The following SUPT3H variants were observed in gnomAD, a reference collection of about 807,000 sequenced individuals.
The protein encoded by SUPT3H is transcription initiation protein SPT3 homolog.
Under a neutral mutation model 44.3 loss-of-function variants are expected in SUPT3H, and 44 were observed. The ratio of observed to expected loss-of-function variants is 0.99; its 90% CI spans 0.78 to 1.28. The LOEUF is 1.28. Ranked by LOEUF, SUPT3H falls within the 50% of genes most tolerant of loss-of-function variation. SUPT3H has a pLI of 0.00. For synonymous variants in SUPT3H, 124 were observed against 125.6 expected (o/e 0.99, Z 0.09); for missense variants, 380 against 387.1 (o/e 0.98, Z 0.15).
At chr6:45,008,971 C>T (rs1339825623) in intron 5 of SUPT3H, among the ~76,000 whole-genome samples, 1 of 152,098 alleles carries the variant, frequency 6.6e-6, no homozygotes, top group Non-Finnish European at 1.5e-5. Flanking sequence ...GAACTCCTGA[C>T]CTCAAGTGAT....
At position 45,276,782 on chromosome 6, in the gene SUPT3H, C is replaced by G. The variant is rs115718708; in HGVS notation, c.101+88419G>C. ...TTAAGGCCATCCAAAATCAGCAGAGCTGCCTAGCTGACCATCATACACACA... is the reference window on the plus strand; with the variant it reads ...TTAAGGCCATCCAAAATCAGCAGAGGTGCCTAGCTGACCATCATACACACA... On this transcript the variant is annotated intron_variant, in intron 2 of 10. Coordinates refer to ENST00000371459, the MANE Select transcript of SUPT3H (RefSeq NM_003599.4). 3.3e-3 allele frequency among the ~76,000 whole-genome samples: 496 copies of G among 152,328 alleles called. 1 individual carries two copies. Among genetic ancestry groups the G allele is most frequent in the African/African-American group, 0.011 (470 of 41,582 alleles).
intron 3 of SUPT3H, among the ~76,000 whole-genome samples, chr6:45,023,899 C>T (rs530698090): frequency 1.5e-3 from 223 of 152,068 alleles, no homozygotes; most frequent in African/African-American, 5.1e-3. Flanking sequence ...ACCCCTGAAC[C>T]TAAAATAAAA....
chr6:45,376,807 C>T (rs1371379769), intron 1 of SUPT3H, among the ~76,000 whole-genome samples: 1 of 151,780 alleles, frequency 6.6e-6, no homozygotes, highest in Non-Finnish European at 1.5e-5. Flanking sequence ...CCAGAGTCTG[C>T]CCTTCACATA....
At chr6:45,237,032 T>C (rs1178199027) in intron 2 of SUPT3H, among the ~76,000 whole-genome samples, 2 of 152,086 alleles carry the variant, frequency 1.3e-5, no homozygotes, top group Non-Finnish European at 2.9e-5. Flanking sequence ...CTCTGGAAAG[T>C]AGAGCCAGGA....
In SUPT3H at chr6:44,846,189, C is replaced by T. The variant is rs567424429; in HGVS notation, c.913-16332G>A. 4.6e-5 allele frequency among the ~76,000 whole-genome samples: 7 copies of T among 152,324 alleles called. No individual in the cohort carries two copies. In the East Asian group the frequency reaches 1.3e-3, roughly 29 times the overall value. On this transcript the variant is annotated intron_variant, in intron 10 of 10. Transcript: ENST00000371459. ...GGAATTTTTCCCATTTCAGTACCAT[C>T]CCTGATCCTTTGTCCTTTTCATCAC...
chr6:45,281,681 C>A (rs1024695949), intron 2 of SUPT3H, among the ~76,000 whole-genome samples: 1 of 152,166 alleles, frequency 6.6e-6, no homozygotes, highest in South Asian at 2.1e-4. Context: ...CATAGCCAAA[C>A]AATAGGCAGC....
chr6:45,141,607 C>T (rs1289985176), intron 2 of SUPT3H, among the ~76,000 whole-genome samples: 1 of 151,360 alleles, frequency 6.6e-6, no homozygotes, highest in East Asian at 1.9e-4. Flanking sequence ...GAAGAAAGAA[C>T]TTCAGAGCAT....
At chr6:45,234,309 T>C (rs1287223817) in intron 2 of SUPT3H, among the ~76,000 whole-genome samples, 5 of 151,936 alleles carry the variant, frequency 3.3e-5, no homozygotes, top group Admixed American at 6.6e-5. Context: ...GGTGGGCAGA[T>C]TGTCTGAGGT....
intron 3 of SUPT3H, among the ~76,000 whole-genome samples, chr6:45,043,739 T>C (rs564198532): frequency 6.6e-6 from 1 of 152,272 alleles, no homozygotes; most frequent in African/African-American, 2.4e-5. Flanking sequence ...ATAAATATGA[T>C]CTGATTATAG....
At chr6:44,953,207 G>T (rs940636096) in intron 9 of SUPT3H, 103 bp downstream of exon 9, 10 of 848,488 alleles carry the variant, frequency 1.2e-5, no homozygotes, top group Non-Finnish European at 1.9e-5. Context: ...TTGACTGAAG[G>T]TTATACACTC....
chr6:45,376,114 C>T (rs1354025598), intron 1 of SUPT3H, among the ~76,000 whole-genome samples: 5 of 152,164 alleles, frequency 3.3e-5, no homozygotes, highest in Admixed American at 3.3e-4. Context: ...AAAGAAAACT[C>T]CAGTTAATAC....
chr6:44,812,037 T>C (rs1324640793), intron 11 of SUPT3H, among the ~76,000 whole-genome samples: 3 of 152,124 alleles, frequency 2.0e-5, no homozygotes, highest in Non-Finnish European at 4.4e-5. Context: ...ATTTTCAAAC[T>C]GCAAACAACT....
intron 2 of SUPT3H, among the ~76,000 whole-genome samples, chr6:45,312,024 T>C (rs1194359103): frequency 6.6e-6 from 1 of 152,160 alleles, no homozygotes; most frequent in African/African-American, 2.4e-5. Context: ...ACTTATAACA[T>C]ACAGAATTGC....
chr6:44,814,132 A>G (rs946024182), intron 11 of SUPT3H, among the ~76,000 whole-genome samples: 13 of 152,256 alleles, frequency 8.5e-5, no homozygotes, highest in African/African-American at 3.1e-4. Context: ...CAGGCTGACA[A>G]CCAAAATGAC....
chr6:44,911,397 TGTTATTGACAC>T (rs1767023622), intron 10 of SUPT3H, among the ~76,000 whole-genome samples: 1 of 152,206 alleles, frequency 6.6e-6, no homozygotes, highest in South Asian at 2.1e-4. Context: ...AGAATGTCAC[TGTTATTGACAC>T]AACTCCTAGC....
At chr6:44,903,962 C>A (rs1274474335) in intron 10 of SUPT3H, among the ~76,000 whole-genome samples, 1 of 152,126 alleles carries the variant, frequency 6.6e-6, no homozygotes. Context: ...CAGAAAAGGC[C>A]TTTGACAAAA....
At position 44,812,368 on chromosome 6, in the gene SUPT3H, G is replaced by C. The variant is rs140145734; in HGVS notation, c.*53-2867C>G. ...ATTCTAGGAGGCCATCATATTCCTT[G>C]GCTCGTGGCTCCTTTACTCTGTCTT... On this transcript the variant is annotated intron_variant and NMD_transcript_variant, in intron 11 of 11. Transcript: ENST00000475057. Among the ~76,000 whole-genome samples, 12 of 152,212 alleles carry C rather than the reference G, an allele frequency of 7.9e-5. No homozygotes were observed. In the East Asian group the frequency reaches 2.3e-3, roughly 29 times the overall value.
intron 3 of SUPT3H, among the ~76,000 whole-genome samples, chr6:45,035,641 C>T (rs759108402): frequency 2.0e-5 from 3 of 151,902 alleles, no homozygotes; most frequent in Non-Finnish European, 2.9e-5. Flanking sequence ...TTGCCACAGT[C>T]GTAGGTATGA....
intron 10 of SUPT3H, among the ~76,000 whole-genome samples, chr6:44,894,801 A>T (rs554478216): frequency 1.3e-5 from 2 of 151,836 alleles, no homozygotes; most frequent in East Asian, 1.9e-4. Flanking sequence ...GGCCAGGAAA[A>T]CCATGTTAAT....
Sources: gnomAD v4.1 joint callset for allele counts (sites outside exome capture counted in the v4.1 genomes callset) on GRCh38, gnomAD v4.1.1 for gene constraint, MANE v1.5 for transcripts, NCBI Gene and HGNC (gene_info 2026-07-23, HGNC 2026-07-21) for gene names.